Variants in SUGCT observed in about 807,000 individuals in gnomAD.
SUGCT encodes the protein succinyl-CoA:glutarate CoA-transferase.
Under a neutral mutation model 55.0 loss-of-function variants are expected in SUGCT, and 41 were observed. The ratio of observed to expected loss-of-function variants is 0.74; its 90% confidence interval spans 0.58 to 0.97. The LOEUF is 0.97. Among genes scored for constraint, SUGCT ranks in the 50% least tolerant of loss-of-function variants. The probability of loss-of-function intolerance (pLI) is 0.00; values close to 1 mark genes in which losing one functional copy is unlikely to be tolerated. For missense variants in SUGCT, 568 were observed against 547.8 expected (o/e 1.04, Z -0.37); for synonymous variants, 187 against 200.4 (o/e 0.93, Z 0.56).
intron 9 of SUGCT, among the ~76,000 whole-genome samples, chr7:40,433,188 TTTTG>T (rs1288729659): frequency 1.3e-5 from 2 of 152,122 alleles, no homozygotes; most frequent in African/African-American, 4.8e-5. Flanking sequence ...GAGCTTCTCA[TTTTG>T]TTTATGTATC....
chr7:41,001,628 A>G, the SUGCT span, among the ~76,000 whole-genome samples: 2 of 152,108 alleles, frequency 1.3e-5, no homozygotes, highest in East Asian at 1.9e-4. Context: ...GGCCCTGCAG[A>G]CTGTGGGTTT....
chr7:40,352,412 T>C (rs1797679166), intron 9 of SUGCT, among the ~76,000 whole-genome samples: 1 of 152,094 alleles, frequency 6.6e-6, no homozygotes, highest in Non-Finnish European at 1.5e-5. Flanking sequence ...TACAGAGTAT[T>C]TCACCACCCA....
the SUGCT span, among the ~76,000 whole-genome samples, chr7:40,990,515 A>T: frequency 3.3e-3 from 505 of 152,296 alleles, 3 homozygotes; most frequent in African/African-American, 0.011. Context: ...CGAATGGTAA[A>T]TGAGCATTGG....
chr7:40,744,293 C>T (rs1164343023), intron 12 of SUGCT, among the ~76,000 whole-genome samples: 1 of 152,040 alleles, frequency 6.6e-6, no homozygotes, highest in African/African-American at 2.4e-5. Context: ...CTGGGTCCAT[C>T]CCCTTCAAAT....
chr7:40,148,814 G>C (rs543618743), intron 1 of SUGCT, among the ~76,000 whole-genome samples: 7 of 152,184 alleles, frequency 4.6e-5, no homozygotes, highest in African/African-American at 1.7e-4. Context: ...GGGAAATAAA[G>C]GATTGCTAGG....
intron 6 of SUGCT, among the ~76,000 whole-genome samples, chr7:40,236,196 T>C (rs1788997977): frequency 6.6e-6 from 1 of 152,070 alleles, no homozygotes; most frequent in African/African-American, 2.4e-5. Context: ...TAGCTGGGAT[T>C]ACAGGCGCCT....
chr7:40,385,682 T>C (rs1785084727), intron 9 of SUGCT, among the ~76,000 whole-genome samples: 1 of 149,816 alleles, frequency 6.7e-6, no homozygotes, highest in African/African-American at 2.5e-5. Context: ...TACAATGGTC[T>C]TTTCATTTTT....
chr7:40,786,485 T>C (rs781533347), intron 13 of SUGCT, among the ~76,000 whole-genome samples: 7 of 152,182 alleles, frequency 4.6e-5, no homozygotes, highest in African/African-American at 7.2e-5. Flanking sequence ...ATTATGTTAA[T>C]GTAAGGTAAA....
At position 40,150,263 on chromosome 7, in the gene SUGCT, C is replaced by G. The variant is rs1788487016; in HGVS notation, c.100+15143C>G. On this transcript the variant is annotated intron_variant, in intron 1 of 13. Transcript: ENST00000335693. ...GCTCATCTGATCTTGTGGCCCCCGC[C>G]CAGGAACTGACTGATCAAGAAGACA... Among the ~76,000 whole-genome samples, 3 of 152,294 alleles carry G rather than the reference C, an allele frequency of 2.0e-5. No homozygotes were observed. The South Asian group carries it at 6.2e-4, about 32-fold the overall frequency.
chr7:40,429,122 G>A (rs1219009649), intron 9 of SUGCT, among the ~76,000 whole-genome samples: 2 of 150,580 alleles, frequency 1.3e-5, no homozygotes, highest in African/African-American at 2.4e-5. Context: ...CATAATTACC[G>A]TTTTTTTTTT....
chr7:40,141,556 C>T (rs1465733391), intron 1 of SUGCT, among the ~76,000 whole-genome samples: 1 of 151,594 alleles, frequency 6.6e-6, no homozygotes, highest in African/African-American at 2.4e-5. Context: ...ATTGCTTGAA[C>T]CCAGGAGTGG....
intron 1 of SUGCT, among the ~76,000 whole-genome samples, chr7:40,171,472 G>T (rs959565170): frequency 6.6e-6 from 1 of 152,168 alleles, no homozygotes; most frequent in African/African-American, 2.4e-5. Context: ...TTGGACCTTT[G>T]TATGGTAATT....
intron 12 of SUGCT, among the ~76,000 whole-genome samples, chr7:40,516,735 G>C (rs1179778111): frequency 6.6e-6 from 1 of 151,984 alleles, no homozygotes; most frequent in African/African-American, 2.4e-5. Context: ...CTGTAGCTCT[G>C]TTGTTAAGTT....
At chr7:40,478,574 G>A (rs1790843106) in intron 11 of SUGCT, among the ~76,000 whole-genome samples, 1 of 152,046 alleles carries the variant, frequency 6.6e-6, no homozygotes, top group Admixed American at 6.6e-5. Context: ...TATTTAAGGG[G>A]TGCAGTGTTG....
At chr7:40,600,848 ATTTTG>A (rs1278900383) in intron 12 of SUGCT, among the ~76,000 whole-genome samples, 2 of 152,016 alleles carry the variant, frequency 1.3e-5, no homozygotes, top group Non-Finnish European at 2.9e-5. Context: ...GTTAGAGACA[ATTTTG>A]TTTTGTTTTT....
chr7:40,991,333 A>G, the SUGCT span, among the ~76,000 whole-genome samples: 5 of 152,198 alleles, frequency 3.3e-5, no homozygotes, highest in Admixed American at 6.5e-5. Flanking sequence ...TTGCACCTCA[A>G]AACAATTGCA....
At chr7:40,635,326 A>T (rs576190436) in intron 12 of SUGCT, among the ~76,000 whole-genome samples, 2 of 152,062 alleles carry the variant, frequency 1.3e-5, no homozygotes, top group African/African-American at 2.4e-5. Context: ...AAAAAAACAC[A>T]TAGGGATTGA....
rs537414425 is a variant in SUGCT, at chr7:40,336,664, G to A, written c.816+19809G>A. On this transcript the variant is annotated intron_variant, in intron 9 of 13. Transcript: ENST00000335693. ...TTTCTTCTTTATTAGTCTTGCTAGC[G>A]GTCTGTCAATTTTGTTGATCTTTTC... Among the ~76,000 whole-genome samples the A allele has an allele frequency of 1.3e-4, 19 of 151,984 alleles. No homozygotes were observed. In the South Asian group the frequency reaches 1.7e-3, roughly 13 times the overall value.
chr7:40,243,427 TA>T (rs1440625028), intron 7 of SUGCT, among the ~76,000 whole-genome samples: 2 of 151,880 alleles, frequency 1.3e-5, no homozygotes, highest in Non-Finnish European at 2.9e-5. Context: ...AATGAGAAAA[TA>T]AAAATAACAG....
Sources: allele counts gnomAD v4.1 joint callset (sites outside exome capture counted in the v4.1 genomes callset), GRCh38; gene constraint gnomAD v4.1.1; transcripts MANE v1.5; gene names NCBI Gene and HGNC (gene_info 2026-07-23, HGNC 2026-07-21).